Variants in TBC1D16 observed in about 807,000 individuals in gnomAD.
The protein encoded by TBC1D16 is TBC1 domain family member 16, also known as CTD-2529O21.1.
A neutral mutation model predicts 74.7 loss-of-function variants in TBC1D16; 58 were observed. The observed-to-expected ratio is 0.78, with a 90% CI of 0.63 to 0.97. TBC1D16 has a LOEUF of 0.97. Among genes scored for constraint, TBC1D16 ranks in the 50% least tolerant of loss-of-function variants. The pLI, the probability that TBC1D16 is intolerant of heterozygous loss-of-function variation, is 0.00. For missense variants in TBC1D16, 1,014 were observed against 1,079.5 expected, an observed-to-expected ratio of 0.94 and a Z score of 0.85; for synonymous variants, 493 against 474.7, an observed-to-expected ratio of 1.04 and a Z score of -0.50.
intron 3 of TBC1D16, among the ~76,000 whole-genome samples, chr17:79,960,808 A>AAAAAAAAAAAC (rs2033575314): frequency 2.1e-5 from 3 of 139,626 alleles, no homozygotes; most frequent in Non-Finnish European, 3.1e-5. Context: ...AAAAAAAAAA[A>AAAAAAAAAAAC]ACGAAGGAAT....
rs1568557002 is a variant in TBC1D16, at chr17:79,936,891, C to CAT, written c.*3967_*3968insAT. The CAT allele has an allele frequency of 7.5e-6, 1 of 133,406 alleles. No individual in the cohort carries two copies. Among genetic ancestry groups the CAT allele is most frequent in the African/African-American group, 2.9e-5 (1 of 34,092 alleles). The allele number at this position is 133,406 out of a possible 1,614,324, so 8.3% of individuals were successfully genotyped here. A position where few individuals can be genotyped will look rare whatever the true frequency, so the allele number is the denominator to read the frequency against. On this transcript the variant is annotated 3_prime_UTR_variant, in exon 12 of 12. Coordinates refer to ENST00000310924, the MANE Select transcript of TBC1D16 (RefSeq NM_019020.4). ...ACATATGTGTGTGTGTGTGTGCATGCGTGCGTGTGTGCATGTGCGTGTGTG... is the reference window on the plus strand; with the variant it reads ...ACATATGTGTGTGTGTGTGTGCATGCATGTGCGTGTGTGCATGTGCGTGTGTG...
At position 79,950,682 on chromosome 17, in the gene TBC1D16, G is replaced by T; in HGVS notation, c.1090-104C>A. On this transcript the variant is annotated intron_variant, in intron 5 of 11. Transcript: ENST00000310924. The surrounding 1 kb of genome is among the most constrained non-coding windows in gnomAD (Gnocchi z 4.6). ...TAAAAGCCTCTCTCTCTTCTGAAAG[G>T]AGGGCAAGGGCCGTCCCCTGCATAC... 6.5e-7 allele frequency: 1 copy of T among 1,550,032 alleles called. No individual in the cohort carries two copies. The highest frequency in any genetic ancestry group is 2.0e-5 in the Admixed American group (1 of 51,028).
rs564552740 is a variant in TBC1D16, at chr17:80,008,323, G to A, written c.779+1837C>T. ...GAATTTCCCAGGTTCACACTAACCAGTGATGCCAGGACTCAACCGGCACTC... is the reference window on the plus strand; with the variant it reads ...GAATTTCCCAGGTTCACACTAACCAATGATGCCAGGACTCAACCGGCACTC... On this transcript the variant is annotated intron_variant, in intron 3 of 11. Coordinates refer to ENST00000310924, the MANE Select transcript of TBC1D16 (RefSeq NM_019020.4). This position sits in a 1 kb window ranked among gnomAD's most constrained non-coding sequence, Gnocchi z 4.5. Among the ~76,000 whole-genome samples, 246 of 152,324 alleles carry A rather than the reference G, an allele frequency of 1.6e-3. 1 individual carries two copies. The highest frequency in any genetic ancestry group is 4.1e-4 in the Non-Finnish European group (28 of 68,020).
Position 79,948,982 on chromosome 17 carries a change from G to A in TBC1D16, c.1431C>T (p.His477=). 1 of 1,614,162 alleles carries A rather than the reference G, an allele frequency of 6.2e-7. No homozygotes were observed. Among genetic ancestry groups the A allele is most frequent in the Non-Finnish European group, 8.5e-7 (1 of 1,180,018 alleles). ...ACTGCACATTACGCCAGAACGCTCT[G>A]TGCTCCTCGGGAGTCATGGAGAGCC... ...QKRLSMTPEE[H]RAFWRNVQFT... is the part of the protein sequence containing the mutation. Residue 477 remains histidine (H), a synonymous_variant, in exon 8 of 12, where the codon CAC becomes CAT. Transcript: ENST00000310924.
intron 1 of TBC1D16, among the ~76,000 whole-genome samples, chr17:80,023,657 GCCC>G (rs200450567): frequency 2.1e-5 from 3 of 144,250 alleles, no homozygotes; most frequent in Non-Finnish European, 1.5e-5. Flanking sequence ...CTGCTGCCGG[GCCC>G]CCCCCCACCG....
intron 3 of TBC1D16, among the ~76,000 whole-genome samples, chr17:79,998,041 C>T (rs1389981471): frequency 1.4e-5 from 2 of 147,610 alleles, no homozygotes; most frequent in South Asian, 2.2e-4. Context: ...AGGAAAATCG[C>T]TTGAACCCAG....
At position 80,010,791 on chromosome 17, in the gene TBC1D16, C is replaced by A; in HGVS notation, c.182-34G>T. The A allele has an allele frequency of 7.0e-7, 1 of 1,432,456 alleles. No individual in the cohort carries two copies. Among genetic ancestry groups the A allele is most frequent in the East Asian group, 2.4e-5 (1 of 40,944 alleles). The allele number at this position is 1,432,456 out of a possible 1,614,324, so 88.7% of individuals were successfully genotyped here. On this transcript the variant is annotated intron_variant, in intron 2 of 11. Transcript: ENST00000310924. The surrounding 1 kb of genome is among the most constrained non-coding windows in gnomAD (Gnocchi z 8.8). ...AGCCAGGGGGATGGCACGTTAGAGG[C>A]CAGGAGGCTGTGGATGAGGCCCTTG... is the stretch of plus-strand genomic sequence containing the variant.
rs911184383 is a variant in TBC1D16 at position 79,988,232 on chromosome 17, G to A, written c.779+21928C>T. Among the ~76,000 whole-genome samples the A allele has an allele frequency of 2.6e-5, 4 of 152,192 alleles. No homozygotes were observed. The highest frequency in any genetic ancestry group is 5.9e-5 in the Non-Finnish European group (4 of 68,038). On this transcript the variant is annotated intron_variant, in intron 3 of 11. Coordinates refer to ENST00000310924, the MANE Select transcript of TBC1D16 (RefSeq NM_019020.4). The surrounding 1 kb of genome is among the most constrained non-coding windows in gnomAD (Gnocchi z 5.7). Reference sequence around the variant, plus strand: ...TGCCTGGCCACCAGCCAGGGCCGTGGCTCCTCGGCAAGTGGGCGTCCGCCG... The same window carrying A: ...TGCCTGGCCACCAGCCAGGGCCGTGACTCCTCGGCAAGTGGGCGTCCGCCG...
chr17:80,013,549 GC>G lies in TBC1D16; in HGVS notation c.-3del. 6.7e-7 allele frequency: 1 copy of G among 1,501,072 alleles called. No homozygotes were observed. The highest frequency in any genetic ancestry group is 8.9e-7 in the Non-Finnish European group (1 of 1,123,294). 93.0% of individuals were successfully genotyped at this position (1,501,072 alleles called of 1,614,324 possible). On this transcript the variant is annotated 5_prime_UTR_variant, in exon 2 of 12. Transcript: ENST00000310924. ...GCGAAGGAGGCGGCCCAGAGACATT[GC>G]CGGGCAAGTGTTTCCATCCTCCGCA...
chr17:80,011,019 C>T (rs899561570), intron 2 of TBC1D16, among the ~76,000 whole-genome samples: 4 of 152,044 alleles, frequency 2.6e-5, no homozygotes, highest in African/African-American at 7.2e-5. Flanking sequence ...GCCTGCCATG[C>T]GCCTTTCTTT....
intron 3 of TBC1D16, among the ~76,000 whole-genome samples, chr17:79,991,173 C>G (rs1281945628): frequency 2.6e-5 from 4 of 152,200 alleles, no homozygotes; most frequent in Non-Finnish European, 5.9e-5. Flanking sequence ...ACAAAGCCAC[C>G]CTGGAGACCC....
At chr17:80,027,590 C>G (rs1400355241) in intron 1 of TBC1D16, among the ~76,000 whole-genome samples, 2 of 150,590 alleles carry the variant, frequency 1.3e-5, no homozygotes, top group Non-Finnish European at 3.0e-5. Flanking sequence ...AGAGCAAGAC[C>G]CTGTCTCAAA....
intron 3 of TBC1D16, among the ~76,000 whole-genome samples, chr17:79,960,801 A>AAAAAAAAAAAAAAAAAAC (rs2033570654): frequency 1.3e-5 from 2 of 149,046 alleles, no homozygotes; most frequent in Non-Finnish European, 1.5e-5. Flanking sequence ...AAAAAAAAAA[A>AAAAAAAAAAAAAAAAAAC]AAAAAAAACG....
rs928259411 is a variant in TBC1D16 at position 79,935,615 on chromosome 17, T to C, written c.*5244A>G. 3.9e-5 allele frequency: 6 copies of C among 152,284 alleles called. No individual in the cohort carries two copies. Among genetic ancestry groups the C allele is most frequent in the African/African-American group, 1.4e-4 (6 of 41,458 alleles). 9.4% of individuals were successfully genotyped at this position (152,284 alleles called of 1,614,324 possible). ...GTCCCACCGCACCTTCCAGAGGCACTGTACAGCGTGCATCTGTTGTCAGTA... is the reference window on the plus strand; with the variant it reads ...GTCCCACCGCACCTTCCAGAGGCACCGTACAGCGTGCATCTGTTGTCAGTA... On this transcript the variant is annotated 3_prime_UTR_variant, in exon 12 of 12. Transcript: ENST00000310924.
In TBC1D16 at chr17:79,985,608, G is replaced by T. The variant is rs1415777168; in HGVS notation, c.779+24552C>A. On this transcript the variant is annotated intron_variant, in intron 3 of 11. Transcript: ENST00000310924. The surrounding 1 kb of genome is among the most constrained non-coding windows in gnomAD (Gnocchi z 4.9). ...CATCCCAGGCCCTGAGACTGGTGCT[G>T]GGTCCAAGGGTCCCCATCCGGTGGC... Among the ~76,000 whole-genome samples, 2 of 152,228 alleles carry T rather than the reference G, an allele frequency of 1.3e-5. No individual in the cohort carries two copies. Among genetic ancestry groups the T allele is most frequent in the African/African-American group, 2.4e-5 (1 of 41,466 alleles).
At chr17:80,016,629 TC>T (rs1425526570) in intron 1 of TBC1D16, among the ~76,000 whole-genome samples, 3 of 151,226 alleles carry the variant, frequency 2.0e-5, no homozygotes, top group Admixed American at 6.6e-5. Context: ...GGTGGAGGGG[TC>T]CCCACTGGCT....
chr17:79,994,844 G>A lies in TBC1D16; in HGVS notation c.779+15316C>T, dbSNP rs757517767. 1.1e-4 allele frequency among the ~76,000 whole-genome samples: 16 copies of A among 152,354 alleles called. No individual in the cohort carries two copies. Among genetic ancestry groups the A allele is most frequent in the Non-Finnish European group, 2.2e-4 (15 of 68,032 alleles). ...CGTGGTCTAGGTGTAAAGTACACGC[G>A]AAATTCCCAGGACTTGGTAAACAGA... is the stretch of plus-strand genomic sequence containing the variant. On this transcript the variant is annotated intron_variant, in intron 3 of 11. Coordinates refer to ENST00000310924, the MANE Select transcript of TBC1D16 (RefSeq NM_019020.4). This position sits in a 1 kb window ranked among gnomAD's most constrained non-coding sequence, Gnocchi z 4.6.
intron 3 of TBC1D16, among the ~76,000 whole-genome samples, chr17:79,996,387 G>A (rs992606061): frequency 3.9e-5 from 6 of 152,018 alleles, no homozygotes; most frequent in Non-Finnish European, 8.8e-5. Context: ...AACGATATTC[G>A]ACATCACGAG....
chr17:80,003,781 G>A lies in TBC1D16; in HGVS notation c.779+6379C>T, dbSNP rs982314543. Reference sequence around the variant, plus strand: ...TTATATTCATCAGGGCCGGGCACGCGGCTCATGCCTGTAATCCCAGCACTT... The same window carrying A: ...TTATATTCATCAGGGCCGGGCACGCAGCTCATGCCTGTAATCCCAGCACTT... On this transcript the variant is annotated intron_variant, in intron 3 of 11. Transcript: ENST00000310924. Among the ~76,000 whole-genome samples the A allele has an allele frequency of 9.9e-5, 15 of 152,204 alleles. 1 individual carries two copies. The highest frequency in any genetic ancestry group is 3.4e-4 in the African/African-American group (14 of 41,446).
Sources: allele counts gnomAD v4.1 joint callset (sites outside exome capture counted in the v4.1 genomes callset), GRCh38; gene constraint gnomAD v4.1.1; non-coding constraint Gnocchi (gnomAD v3.1); transcripts MANE v1.5; gene names NCBI Gene and HGNC (gene_info 2026-07-23, HGNC 2026-07-21).